GRM5: variants seen among roughly 807,000 people sequenced by gnomAD.
The protein encoded by GRM5 is metabotropic glutamate receptor 5.
Under a neutral mutation model 83.1 loss-of-function variants are expected in GRM5, and 19 were observed. The ratio of observed to expected loss-of-function variants is 0.23; its 90% confidence interval spans 0.16 to 0.34. The LOEUF (loss-of-function observed/expected upper bound fraction) is 0.34. Among genes scored for constraint, GRM5 ranks in the 10% least tolerant of loss-of-function variants. GRM5 has a pLI of 1.00. For synonymous variants in GRM5, 675 were observed against 633.6 expected (o/e 1.07, Z -0.98); for missense variants, 1,160 against 1,588.3 (o/e 0.73, Z 4.58).
chr11:89,029,385 ATAAAT>A (rs1176637739), intron 2 of GRM5, among the ~76,000 whole-genome samples: 1 of 152,218 alleles, frequency 6.6e-6, no homozygotes, highest in Non-Finnish European at 1.5e-5. Flanking sequence ...ACAAAGTCAG[ATAAAT>A]TAACTCAACC....
chr11:88,842,148 A>G (rs1286128281), intron 3 of GRM5, among the ~76,000 whole-genome samples: 3 of 151,984 alleles, frequency 2.0e-5, no homozygotes, highest in African/African-American at 7.2e-5. Context: ...ATGGTAGTAA[A>G]TGATAAAATA....
intron 2 of GRM5, among the ~76,000 whole-genome samples, chr11:88,976,089 A>G (rs909683574): frequency 2.8e-4 from 42 of 152,286 alleles, no homozygotes; most frequent in Admixed American, 2.5e-3. Context: ...TGATTAGTTA[A>G]TTTGATAAAT....
chr11:88,913,563 CTT>C (rs5793357), intron 2 of GRM5, among the ~76,000 whole-genome samples: 105 of 144,826 alleles, frequency 7.3e-4, no homozygotes, highest in Middle Eastern at 3.7e-3. Context: ...TCCATATCTT[CTT>C]TTTTTTTCCT....
At chr11:88,559,846 C>T (rs1942714267) in intron 8 of GRM5, among the ~76,000 whole-genome samples, 1 of 152,130 alleles carries the variant, frequency 6.6e-6, no homozygotes, top group Non-Finnish European at 1.5e-5. Flanking sequence ...ATTAAACAGA[C>T]AATTCTAACG....
At chr11:88,524,206 CTTTCTTTCTTTTTT>C (rs1212736392) in intron 9 of GRM5, among the ~76,000 whole-genome samples, 2 of 101,216 alleles carry the variant, frequency 2.0e-5, no homozygotes, top group Non-Finnish European at 3.9e-5. Flanking sequence ...TTCTTTCTTT[CTTTCTTTCTTTTTT>C]TTTTTTTTTT....
At chr11:88,710,124 A>G (rs955407426) in intron 3 of GRM5, among the ~76,000 whole-genome samples, 28 of 152,190 alleles carry the variant, frequency 1.8e-4, no homozygotes, top group Non-Finnish European at 5.9e-5. Context: ...GAGGTTTCAG[A>G]TAAGATTTCC....
chr11:88,883,767 G>C (rs1403845865), intron 2 of GRM5, among the ~76,000 whole-genome samples: 1 of 152,120 alleles, frequency 6.6e-6, no homozygotes, highest in East Asian at 1.9e-4. Flanking sequence ...ACTTGCTGTA[G>C]GCGGCCTCAG....
chr11:88,724,407 T>A (rs1941624631), intron 3 of GRM5, among the ~76,000 whole-genome samples: 1 of 2,152 alleles, frequency 4.6e-4, no homozygotes, highest in Non-Finnish European at 7.5e-3. Flanking sequence ...TACTTACTCC[T>A]AACTAACTGC....
intron 3 of GRM5, among the ~76,000 whole-genome samples, chr11:88,735,252 G>T (rs1314853041): frequency 1.3e-5 from 2 of 151,964 alleles, no homozygotes; most frequent in Admixed American, 6.6e-5. Context: ...CTTTAACAGT[G>T]ATATGAAATC....
chr11:89,061,685 G>A (rs1214007875), intron 1 of GRM5, among the ~76,000 whole-genome samples: 2 of 152,112 alleles, frequency 1.3e-5, no homozygotes, highest in African/African-American at 4.8e-5. Context: ...ATGTCCATAA[G>A]GTATACTATA....
chr11:88,968,355 T>C (rs1228995384), intron 2 of GRM5, among the ~76,000 whole-genome samples: 2 of 152,020 alleles, frequency 1.3e-5, no homozygotes, highest in Non-Finnish European at 2.9e-5. Flanking sequence ...GAAAGTAGAA[T>C]AGTGGTTTCC....
chr11:88,813,623 A>G (rs1044101973), intron 3 of GRM5, among the ~76,000 whole-genome samples: 15 of 152,138 alleles, frequency 9.9e-5, no homozygotes, highest in Admixed American at 8.5e-4. Context: ...TTATATCACA[A>G]CAGTTTCATG....
At chr11:88,850,589 TA>T (rs1326830062) in intron 2 of GRM5, among the ~76,000 whole-genome samples, 2 of 150,748 alleles carry the variant, frequency 1.3e-5, no homozygotes, top group African/African-American at 4.9e-5. Flanking sequence ...ATGTAGTTTA[TA>T]TAGTATAGAT....
intron 2 of GRM5, among the ~76,000 whole-genome samples, chr11:88,962,923 T>C (rs956398892): frequency 2.6e-5 from 4 of 152,132 alleles, no homozygotes; most frequent in African/African-American, 9.7e-5. Context: ...ACCTCGTCTC[T>C]ACTAAAAATA....
chr11:88,599,002 C>G (rs2135221967), intron 5 of GRM5, among the ~76,000 whole-genome samples: 1 of 152,260 alleles, frequency 6.6e-6, no homozygotes, highest in East Asian at 1.9e-4. Flanking sequence ...TAAACCAAGC[C>G]TTTAGATTTC....
At chr11:88,590,785 C>T in intron 6 of GRM5, 58 bp from the exon 7 acceptor site, 1 of 1,397,970 alleles carries the variant, frequency 7.2e-7, no homozygotes, top group South Asian at 1.2e-5. Context: ...TCCAACAATT[C>T]TATATTCCAA....
At chr11:88,519,582 T>C (rs913631848) in intron 9 of GRM5, among the ~76,000 whole-genome samples, 3 of 152,166 alleles carry the variant, frequency 2.0e-5, no homozygotes, top group Non-Finnish European at 2.9e-5. Context: ...TGTATCTAAG[T>C]ACTCAATAAA....
At chr11:88,674,586 C>T (rs1940275867) in intron 3 of GRM5, among the ~76,000 whole-genome samples, 1 of 151,856 alleles carries the variant, frequency 6.6e-6, no homozygotes, top group South Asian at 2.1e-4. Flanking sequence ...AGGAATGCTA[C>T]CATTGTTCCT....
chr11:88,801,973 G>A (rs118112251), intron 3 of GRM5, among the ~76,000 whole-genome samples: 8 of 152,180 alleles, frequency 5.3e-5, no homozygotes, highest in Non-Finnish European at 1.0e-4. Flanking sequence ...ATATTCCTAA[G>A]CTGCAGGAAA....
Sources: gnomAD v4.1 joint callset for allele counts (sites outside exome capture counted in the v4.1 genomes callset) on GRCh38, gnomAD v4.1.1 for gene constraint, MANE v1.5 for transcripts, NCBI Gene and HGNC (gene_info 2026-07-23, HGNC 2026-07-21) for gene names.